The following IDO2 variants were observed in gnomAD, a reference collection of about 807,000 sequenced individuals.
IDO2 encodes the protein indoleamine 2,3-dioxygenase 2.
Under a neutral mutation model 45.1 loss-of-function variants are expected in IDO2, and 46 were observed. The ratio of observed to expected loss-of-function variants is 1.02; its 90% confidence interval spans 0.80 to 1.30. The LOEUF is 1.30. IDO2 is among the 50% of genes most tolerant of loss of function. IDO2 has a pLI of 0.00. For synonymous variants in IDO2, 218 were observed against 184.9 expected, an observed-to-expected ratio of 1.18 and a Z score of -1.45; for missense variants, 544 against 491.8, an observed-to-expected ratio of 1.11 and a Z score of -1.00.
At chr8:39,982,345 T>C (rs1808366652) in intron 4 of IDO2, among the ~76,000 whole-genome samples, 1 of 152,084 alleles carries the variant, frequency 6.6e-6, no homozygotes, top group Non-Finnish European at 1.5e-5. Context: ...TTATGTTTAA[T>C]TGTTTTGGTA....
chr8:39,944,262 A>G (rs967653922), intron 1 of IDO2, among the ~76,000 whole-genome samples: 26 of 63,132 alleles, frequency 4.1e-4, no homozygotes, highest in African/African-American at 1.0e-3. Context: ...GAATATTATT[A>G]CGCAAGGATC....
intron 9 of IDO2, among the ~76,000 whole-genome samples, chr8:40,013,135 G>C (rs1802332236): frequency 6.6e-6 from 1 of 151,996 alleles, no homozygotes; most frequent in Non-Finnish European, 1.5e-5. Flanking sequence ...GTGTATATTT[G>C]TGAGGCTCTT....
chr8:39,958,833 G>A (rs1211014071), intron 2 of IDO2, among the ~76,000 whole-genome samples: 2 of 151,780 alleles, frequency 1.3e-5, no homozygotes, highest in African/African-American at 4.8e-5. Context: ...ATCTAATCAA[G>A]CATTAATCTA....
intron 3 of IDO2, among the ~76,000 whole-genome samples, chr8:39,970,953 G>C (rs1808169504): frequency 6.6e-6 from 1 of 151,838 alleles, no homozygotes. Flanking sequence ...TTTTAGTAGA[G>C]ACGGGGTTTC....
At chr8:39,975,772 A>G (rs983750708) in intron 3 of IDO2, among the ~76,000 whole-genome samples, 3 of 152,170 alleles carry the variant, frequency 2.0e-5, no homozygotes, top group Admixed American at 1.3e-4. Context: ...TAAATACCTT[A>G]GAGCTTCCTA....
intron 3 of IDO2, among the ~76,000 whole-genome samples, chr8:39,964,059 C>G (rs1470865280): frequency 1.3e-5 from 2 of 152,138 alleles, no homozygotes; most frequent in African/African-American, 4.8e-5. Context: ...TGTACGTACT[C>G]AAGGCTCTGT....
chr8:40,010,275 G>C (rs1029075959), intron 9 of IDO2, among the ~76,000 whole-genome samples: 9 of 152,228 alleles, frequency 5.9e-5, no homozygotes, highest in Admixed American at 2.6e-4. Context: ...GGAATGGCAA[G>C]TGCAATAACC....
In IDO2 at chr8:39,987,985, G is replaced by A. The variant is rs764879187; in HGVS notation, c.549+15G>A. 15 of 1,469,280 alleles carry A rather than the reference G, an allele frequency of 1.0e-5. No homozygotes were observed. In the South Asian group the frequency reaches 1.8e-4, roughly 17 times the overall value. 91.0% of individuals were successfully genotyped at this position (1,469,280 alleles called of 1,614,324 possible). On this transcript the variant is annotated intron_variant, in intron 7 of 10. Coordinates refer to ENST00000502986, the Ensembl canonical transcript of IDO2. ...CTGGGATAAAGGTATCTTCTCACTT[G>A]ATAGCACCTTTTCTTTTTAAATGAG...
At chr8:39,946,889 G>A (rs1807740168) in intron 1 of IDO2, among the ~76,000 whole-genome samples, 1 of 152,078 alleles carries the variant, frequency 6.6e-6, no homozygotes, top group African/African-American at 2.4e-5. Context: ...GCTGGGAGAG[G>A]TGGCTCATGC....
chr8:40,013,724 C>T lies in IDO2; in HGVS notation c.868+11C>T, dbSNP rs1802343640. ...ATAGCAAGGAAAGTGGTAAGTCAGA[C>T]ATTTTGTTTTCCCTTGAGAGTAGAG... On this transcript the variant is annotated intron_variant, in intron 10 of 10. Coordinates refer to ENST00000502986, the Ensembl canonical transcript of IDO2. The T allele has an allele frequency of 1.3e-6, 2 of 1,585,460 alleles. No homozygotes were observed. Among genetic ancestry groups the T allele is most frequent in the Non-Finnish European group, 8.6e-7 (1 of 1,163,030 alleles).
intron 8 of IDO2, among the ~76,000 whole-genome samples, chr8:39,994,547 G>A (rs886251964): frequency 4.6e-5 from 7 of 152,044 alleles, no homozygotes; most frequent in South Asian, 4.1e-4. Flanking sequence ...ATGAGCCACC[G>A]CGCCTGGACT....
chr8:39,939,540 C>G (rs1585392220), intron 1 of IDO2, among the ~76,000 whole-genome samples: 1 of 88,232 alleles, frequency 1.1e-5, no homozygotes, highest in South Asian at 4.7e-4. Flanking sequence ...GGGCGAGACT[C>G]TGTCTCAAAA....
rs11996873 is a variant in IDO2 at position 39,934,760 on chromosome 8, G to C, written c.-476G>C. The stretch of plus-strand genomic sequence containing the variant: ...CCTTGGAAGATGCCCTAGAGACGCT[G>C]AGGTGGTTGTACTTTTGCCATAGGA... On this transcript the variant is annotated 5_prime_UTR_variant, in exon 1 of 11. Coordinates refer to ENST00000502986, the Ensembl canonical transcript of IDO2. The C allele has an allele frequency of 6.9e-3, 1,903 of 274,906 alleles. 43 individuals are homozygous for C. Among genetic ancestry groups the C allele is most frequent in the African/African-American group, 0.041 (1,778 of 43,214 alleles). The allele number at this position is 274,906 out of a possible 1,614,324, so 17.0% of individuals were successfully genotyped here.
intron 10 of IDO2, among the ~76,000 whole-genome samples, chr8:40,014,502 T>A (rs934571026): frequency 6.6e-6 from 1 of 152,234 alleles, no homozygotes; most frequent in Non-Finnish European, 1.5e-5. Context: ...GGGCTTTATA[T>A]AACTTTCTCC....
intron 2 of IDO2, among the ~76,000 whole-genome samples, chr8:39,952,778 A>AT (rs112631020): frequency 0.014 from 1,998 of 147,330 alleles, 45 homozygotes; most frequent in African/African-American, 0.044. Flanking sequence ...TGGAGTTCAG[A>AT]TTTTTTTTTT....
At chr8:39,963,639 T>G (rs1370001550) in exon 3 of IDO2, 1 of 1,612,026 alleles carries the variant, frequency 6.2e-7, no homozygotes, top group East Asian at 2.2e-5. Flanking sequence ...AGGCCTTGGA[T>G]GGAAATTGCC....
At position 40,004,450 on chromosome 8, in the gene IDO2, CATAG is replaced by C. The variant is rs957659208; in HGVS notation, c.668-866_668-863del. Among the ~76,000 whole-genome samples, 6 of 151,668 alleles carry C rather than the reference CATAG, an allele frequency of 4.0e-5. No homozygotes were observed. In the South Asian group the frequency reaches 6.3e-4, roughly 16 times the overall value. ...AGATAGAGAGATAGATAGATAAATA[CATAG>C]ATAGATAGATGATAAATAGATGTTG... On this transcript the variant is annotated intron_variant, in intron 8 of 10. Transcript: ENST00000502986.
intron 8 of IDO2, among the ~76,000 whole-genome samples, chr8:40,003,733 A>AT (rs1245174145): frequency 2.6e-5 from 4 of 151,892 alleles, no homozygotes; most frequent in African/African-American, 9.7e-5. Context: ...CTTTTTAATA[A>AT]TTTTTTTCTT....
At chr8:40,010,083 C>T (rs755686614) in intron 9 of IDO2, among the ~76,000 whole-genome samples, 5 of 152,012 alleles carry the variant, frequency 3.3e-5, no homozygotes, top group South Asian at 2.1e-4. Context: ...CTAATAAAAG[C>T]GTCATACAAT....
Sources: allele counts gnomAD v4.1 joint callset (sites outside exome capture counted in the v4.1 genomes callset), GRCh38; gene constraint gnomAD v4.1.1; transcripts MANE v1.5; gene names NCBI Gene and HGNC (gene_info 2026-07-23, HGNC 2026-07-21).